Variants in GPC5 observed in about 807,000 individuals in gnomAD.
GPC5 encodes glypican-5.
In GPC5, 47 loss-of-function variants were observed where a neutral mutation model predicts 53.9. That is an observed-to-expected ratio of 0.87 (90% CI 0.69 to 1.11). The LOEUF (loss-of-function observed/expected upper bound fraction) is 1.11. Ranked by LOEUF, GPC5 falls within the 50% of genes most tolerant of loss-of-function variation. The probability of loss-of-function intolerance (pLI) is 0.00; values close to 1 mark genes in which losing one functional copy is unlikely to be tolerated. For missense variants in GPC5, 748 were observed against 713.1 expected (o/e 1.05, Z -0.56); for synonymous variants, 286 against 263.3 (o/e 1.09, Z -0.84).
chr13:92,583,121 C>G (rs1306839837), intron 7 of GPC5, among the ~76,000 whole-genome samples: 1 of 152,106 alleles, frequency 6.6e-6, no homozygotes, highest in Non-Finnish European at 1.5e-5. Flanking sequence ...TAACTATGGG[C>G]TTGTCATATA....
At chr13:91,840,819 T>A (rs1357833330) in intron 5 of GPC5, among the ~76,000 whole-genome samples, 2 of 151,802 alleles carry the variant, frequency 1.3e-5, no homozygotes, top group African/African-American at 4.8e-5. Flanking sequence ...TTTAAACACT[T>A]GGGACATATT....
intron 6 of GPC5, among the ~76,000 whole-genome samples, chr13:92,052,049 T>C (rs2041034198): frequency 6.6e-6 from 1 of 152,216 alleles, no homozygotes; most frequent in Non-Finnish European, 1.5e-5. Flanking sequence ...ACATTCATTC[T>C]TGGGAACACT....
chr13:92,620,995 C>T (rs1884851047), intron 7 of GPC5, among the ~76,000 whole-genome samples: 1 of 152,106 alleles, frequency 6.6e-6, no homozygotes, highest in African/African-American at 2.4e-5. Flanking sequence ...AAAACACAGT[C>T]AATGTAAAAT....
chr13:92,093,166 C>T (rs1339554795), intron 6 of GPC5, among the ~76,000 whole-genome samples: 1 of 152,090 alleles, frequency 6.6e-6, no homozygotes, highest in East Asian at 1.9e-4. Flanking sequence ...TTTTTCTCTA[C>T]TCTAGAAAAG....
intron 5 of GPC5, among the ~76,000 whole-genome samples, chr13:91,765,317 A>G (rs1000595678): frequency 3.9e-5 from 6 of 152,222 alleles, no homozygotes; most frequent in Non-Finnish European, 5.9e-5. Context: ...GTTCTCTTCA[A>G]CTTCAATCCT....
intron 6 of GPC5, among the ~76,000 whole-genome samples, chr13:91,912,669 C>G (rs1328113899): frequency 6.6e-6 from 1 of 152,060 alleles, no homozygotes; most frequent in Non-Finnish European, 1.5e-5. Flanking sequence ...GCATATTATC[C>G]TATCATATGG....
intron 6 of GPC5, among the ~76,000 whole-genome samples, chr13:92,137,432 C>T (rs926840876): frequency 6.6e-6 from 1 of 152,174 alleles, no homozygotes; most frequent in Non-Finnish European, 1.5e-5. Context: ...GTTAATGTTA[C>T]TCCCATATGG....
intron 1 of GPC5, among the ~76,000 whole-genome samples, chr13:91,430,515 C>T (rs1051874132): frequency 6.6e-6 from 1 of 152,142 alleles, no homozygotes; most frequent in African/African-American, 2.4e-5. Context: ...ACTTTCTCTT[C>T]TTCTGAGTGG....
At chr13:91,777,841 T>A (rs912714073) in intron 5 of GPC5, among the ~76,000 whole-genome samples, 3 of 152,180 alleles carry the variant, frequency 2.0e-5, no homozygotes, top group African/African-American at 7.2e-5. Flanking sequence ...CAAAACAGTT[T>A]CAGAATATGG....
intron 7 of GPC5, among the ~76,000 whole-genome samples, chr13:92,294,705 T>C (rs1427946835): frequency 6.6e-6 from 1 of 152,134 alleles, no homozygotes; most frequent in Admixed American, 6.5e-5. Flanking sequence ...TTAATTCTGC[T>C]CTAATCTTGG....
chr13:91,887,892 T>C (rs944626316), intron 5 of GPC5, among the ~76,000 whole-genome samples: 5 of 152,180 alleles, frequency 3.3e-5, no homozygotes, highest in African/African-American at 9.7e-5. Flanking sequence ...TTCCAAACTT[T>C]CCCACATTTT....
At chr13:92,136,943 C>T (rs965888342) in intron 6 of GPC5, among the ~76,000 whole-genome samples, 2 of 152,200 alleles carry the variant, frequency 1.3e-5, no homozygotes, top group Non-Finnish European at 2.9e-5. Flanking sequence ...CCCTAATGAG[C>T]TTCCTAAACC....
At chr13:91,457,688 T>C (rs957192075) in intron 2 of GPC5, among the ~76,000 whole-genome samples, 3 of 152,144 alleles carry the variant, frequency 2.0e-5, no homozygotes, top group African/African-American at 7.2e-5. Flanking sequence ...AGGTTAACAT[T>C]GGAGACATGT....
chr13:91,852,439 A>G (rs920593282), intron 5 of GPC5, among the ~76,000 whole-genome samples: 8 of 151,468 alleles, frequency 5.3e-5, no homozygotes, highest in Admixed American at 2.6e-4. Flanking sequence ...CTTCTGGAAG[A>G]TCCTAGGTGT....
chr13:91,614,561 G>A (rs574461943), intron 2 of GPC5, among the ~76,000 whole-genome samples: 12 of 151,902 alleles, frequency 7.9e-5, no homozygotes. Context: ...TGAGCTCCTA[G>A]AGATGAATGA....
intron 2 of GPC5, among the ~76,000 whole-genome samples, chr13:91,514,847 T>C (rs1885410063): frequency 6.6e-6 from 1 of 152,204 alleles, no homozygotes; most frequent in South Asian, 2.1e-4. Flanking sequence ...TCTCATACTT[T>C]CTATATTCTT....
chr13:91,529,907 T>G (rs1396649811), intron 2 of GPC5, among the ~76,000 whole-genome samples: 1 of 152,138 alleles, frequency 6.6e-6, no homozygotes, highest in Non-Finnish European at 1.5e-5. Context: ...GGCTCTCTAG[T>G]CTTGACCTGG....
In GPC5 at chr13:92,475,946, G is replaced by T. The variant is rs201688882; in HGVS notation, c.1561+330957G>T. Among the ~76,000 whole-genome samples, 20 of 152,158 alleles carry T rather than the reference G, an allele frequency of 1.3e-4. No individual in the cohort carries two copies. In the East Asian group the frequency reaches 1.7e-3, roughly 13 times the overall value. ...ACCTAAAACCATAAAAAGCCTAGAA[G>T]AAAACCTAGGCATTACCATTCAGGA... On this transcript the variant is annotated intron_variant, in intron 7 of 7. Coordinates refer to ENST00000377067, the MANE Select transcript of GPC5 (RefSeq NM_004466.6).
At chr13:92,245,120 C>A (rs1273319384) in intron 7 of GPC5, among the ~76,000 whole-genome samples, 1 of 151,888 alleles carries the variant, frequency 6.6e-6, no homozygotes, top group African/African-American at 2.4e-5. Context: ...ACACTTGTCT[C>A]TTGCAAAACA....
Sources: gnomAD v4.1 joint callset for allele counts (sites outside exome capture counted in the v4.1 genomes callset) on GRCh38, gnomAD v4.1.1 for gene constraint, MANE v1.5 for transcripts, NCBI Gene and HGNC (gene_info 2026-07-23, HGNC 2026-07-21) for gene names.